Variants in MTAP observed in about 807,000 individuals in gnomAD.
MTAP encodes methylthioadenosine phosphorylase.
In MTAP, 33 loss-of-function variants were observed where a neutral mutation model predicts 33.6. The observed-to-expected ratio is 0.98, with a 90% confidence interval of 0.74 to 1.31. The LOEUF is 1.31. Ranked by LOEUF, MTAP falls within the 40% of genes most tolerant of loss-of-function variation. The pLI is 0.00. For synonymous variants in MTAP, 148 were observed against 125.7 expected, an observed-to-expected ratio of 1.18 and a Z score of -1.19; for missense variants, 367 against 360.0, an observed-to-expected ratio of 1.02 and a Z score of -0.16.
At chr9:21,875,724 CCTT>C (rs1264556247) in intron 1 of MTAP, among the ~76,000 whole-genome samples, 7 of 152,128 alleles carry the variant, frequency 4.6e-5, no homozygotes, top group African/African-American at 1.7e-4. Context: ...GATATGGTCT[CCTT>C]CTTTTCAGTG....
chr9:21,910,699 A>G (rs10811635), intron 1 of MTAP, among the ~76,000 whole-genome samples: 31,608 of 152,078 alleles, frequency 0.21, 3,422 homozygotes, highest in East Asian at 0.33. Flanking sequence ...CAGTGATATA[A>G]TTCACATATC....
At chr9:21,889,657 T>C (rs1425506113) in intron 1 of MTAP, among the ~76,000 whole-genome samples, 1 of 152,100 alleles carries the variant, frequency 6.6e-6, no homozygotes, top group African/African-American at 2.4e-5. Flanking sequence ...GTGATTGTTA[T>C]TGTTCTTCTG....
Position 21,900,412 on chromosome 9 carries a change from A to G in MTAP, c.148-30596A>G, listed in dbSNP as rs574034801. On this transcript the variant is annotated intron_variant, in intron 1 of 1. Transcript: ENST00000577563. ...ACATGCAGCCAACAAGCATATGACA[A>G]AAATGCTCAACATCACTAATAATTA... Among the ~76,000 whole-genome samples the G allele has an allele frequency of 7.2e-5, 11 of 152,354 alleles. No individual in the cohort carries two copies. The South Asian group carries it at 2.3e-3, about 32-fold the overall frequency.
intron 5 of MTAP, among the ~76,000 whole-genome samples, chr9:21,845,346 A>G (rs1457793828): frequency 2.0e-5 from 3 of 152,222 alleles, no homozygotes; most frequent in East Asian, 1.9e-4. Flanking sequence ...TGCAAAATCA[A>G]TATACTCAAA....
chr9:21,887,238 T>A (rs985810068), intron 1 of MTAP, among the ~76,000 whole-genome samples: 1 of 152,248 alleles, frequency 6.6e-6, no homozygotes, highest in South Asian at 2.1e-4. Context: ...ATTAGGTATA[T>A]CTCCTAATGC....
At chr9:21,938,822 T>C (rs1380796060), downstream of MTAP, among the ~76,000 whole-genome samples, 2 of 152,204 alleles carry the variant, frequency 1.3e-5, no homozygotes, top group Non-Finnish European at 2.9e-5. Flanking sequence ...TATTGAAATG[T>C]GTGGGTTTCT....
chr9:21,832,935 C>T (rs1402855691), intron 4 of MTAP, among the ~76,000 whole-genome samples: 1 of 152,040 alleles, frequency 6.6e-6, no homozygotes, highest in African/African-American at 2.4e-5. Flanking sequence ...AAACTGAGGC[C>T]CAAAGAGGTT....
At chr9:21,884,879 A>G (rs896747466) in intron 1 of MTAP, among the ~76,000 whole-genome samples, 3 of 152,166 alleles carry the variant, frequency 2.0e-5, no homozygotes, top group Non-Finnish European at 4.4e-5. Flanking sequence ...AGGCAAAACT[A>G]AACTATATTA....
chr9:21,939,283 C>T (rs115947228), downstream of MTAP, among the ~76,000 whole-genome samples: 1,580 of 152,214 alleles, frequency 0.01, 23 homozygotes, highest in African/African-American at 0.035. Context: ...AGTGTGAAAA[C>T]GGACTAATGC....
intron 7 of MTAP, 79 bp downstream of exon 7, chr9:21,859,504 G>A: frequency 1.4e-6 from 2 of 1,473,574 alleles, no homozygotes; most frequent in South Asian, 1.4e-5. Flanking sequence ...TTCACCTTTG[G>A]TCCTCATGTA....
intron 1 of MTAP, among the ~76,000 whole-genome samples, chr9:21,876,506 T>C (rs751962373): frequency 7.9e-5 from 12 of 152,128 alleles, no homozygotes; most frequent in Non-Finnish European, 1.5e-4. Flanking sequence ...TTTGGAGTTA[T>C]ACATTTAAGT....
At chr9:21,884,596 G>A (rs574996667) in intron 1 of MTAP, among the ~76,000 whole-genome samples, 75 of 152,296 alleles carry the variant, frequency 4.9e-4, no homozygotes, top group African/African-American at 1.8e-3. Context: ...GATGTGGTAT[G>A]TAGTGGAGCC....
intron 6 of MTAP, among the ~76,000 whole-genome samples, chr9:21,858,057 T>C (rs1175599708): frequency 6.6e-6 from 1 of 152,206 alleles, no homozygotes; most frequent in African/African-American, 2.4e-5. Context: ...TTTTGTTTGG[T>C]TCGGTTTGTG....
intron 5 of MTAP, 85 bp from the exon 6 acceptor site, chr9:21,854,546 C>G: frequency 2.1e-6 from 3 of 1,446,360 alleles, no homozygotes; most frequent in Non-Finnish European, 2.7e-6. Context: ...TTTAAGAAAT[C>G]AACTTGGTAA....
chr9:21,871,600 C>T (rs931423643), downstream of MTAP, among the ~76,000 whole-genome samples: 6 of 152,128 alleles, frequency 3.9e-5, no homozygotes, highest in Admixed American at 2.6e-4. Flanking sequence ...CTGTGTATGT[C>T]TATATATACA....
intron 1 of MTAP, among the ~76,000 whole-genome samples, chr9:21,874,870 G>A (rs1192839934): frequency 1.3e-5 from 2 of 151,872 alleles, no homozygotes; most frequent in Non-Finnish European, 2.9e-5. Flanking sequence ...ACAGGCCCCG[G>A]TATGTGATGT....
chr9:21,843,291 C>A (rs956246780), intron 5 of MTAP, among the ~76,000 whole-genome samples: 1 of 152,090 alleles, frequency 6.6e-6, no homozygotes, highest in Admixed American at 6.5e-5. Context: ...TAAGAAATGA[C>A]ATAGATGGTA....
chr9:21,859,389 G>T lies in MTAP; in HGVS notation c.777G>T (p.Gly259=), dbSNP rs371202641. Residue 259 remains glycine, a synonymous_variant, in exon 7 of 8, where the codon GGG becomes GGT. Transcript: ENST00000644715. The part of the protein sequence containing the change: ...SLLLTTIPQI[G]STEWSETLHN... ...TGCTCACTACCATACCTCAGATAGG[G>T]TCCACAGAATGGTCAGAAACCCTCC... 40 of 1,613,258 alleles carry T rather than the reference G, an allele frequency of 2.5e-5. No homozygotes were observed. The highest frequency in any genetic ancestry group is 1.8e-4 in the Admixed American group (11 of 59,884).
intron 1 of MTAP, among the ~76,000 whole-genome samples, chr9:21,891,110 C>A (rs754893760): frequency 4.6e-5 from 7 of 151,828 alleles, no homozygotes; most frequent in Non-Finnish European, 1.0e-4. Flanking sequence ...ATCAAGGGAA[C>A]CAACAAATAT....
Sources: allele counts gnomAD v4.1 joint callset (sites outside exome capture counted in the v4.1 genomes callset), GRCh38; gene constraint gnomAD v4.1.1; transcripts MANE v1.5; gene names NCBI Gene and HGNC (gene_info 2026-07-23, HGNC 2026-07-21).